Variants in DPP10 observed in about 807,000 individuals in gnomAD.
The protein encoded by DPP10 is inactive dipeptidyl peptidase 10.
Under a neutral mutation model 120.9 loss-of-function variants are expected in DPP10, and 33 were observed. That is an observed-to-expected ratio of 0.27 (90% CI 0.21 to 0.37). The LOEUF (loss-of-function observed/expected upper bound fraction) is 0.37, where lower values mean the gene tolerates loss of function less well. Among genes scored for constraint, DPP10 ranks in the 10% least tolerant of loss-of-function variants. The probability of loss-of-function intolerance (pLI) is 1.00; values close to 1 mark genes in which losing one functional copy is unlikely to be tolerated. For synonymous variants in DPP10, 337 were observed against 326.1 expected (o/e 1.03, Z -0.36); for missense variants, 816 against 942.8 (o/e 0.87, Z 1.76).
intron 5 of DPP10, among the ~76,000 whole-genome samples, chr2:115,538,344 C>T (rs2078987354): frequency 1.3e-5 from 2 of 151,844 alleles, no homozygotes; most frequent in East Asian, 3.9e-4. Context: ...CATGTGAGAG[C>T]CTCCATGGAT....
intron 7 of DPP10, among the ~76,000 whole-genome samples, chr2:115,695,035 A>C (rs62155264): frequency 0.077 from 11,784 of 152,286 alleles, 645 homozygotes; most frequent in Non-Finnish European, 0.11. Context: ...CTCTCCCTCC[A>C]GCTGAAGTGA....
At chr2:114,506,484 A>C (rs1272046742) in intron 1 of DPP10, among the ~76,000 whole-genome samples, 1 of 152,118 alleles carries the variant, frequency 6.6e-6, no homozygotes. Flanking sequence ...CGGGTACAAA[A>C]GGCTGTCACA....
At chr2:115,251,011 A>G (rs1407360856) in intron 1 of DPP10, among the ~76,000 whole-genome samples, 2 of 152,174 alleles carry the variant, frequency 1.3e-5, no homozygotes, top group African/African-American at 4.8e-5. Flanking sequence ...AGCATTTCAT[A>G]GCTTTCGTCC....
At chr2:114,721,083 G>A (rs938635387) in intron 1 of DPP10, among the ~76,000 whole-genome samples, 5 of 152,202 alleles carry the variant, frequency 3.3e-5, no homozygotes, top group African/African-American at 1.2e-4. Context: ...CCACCCTGAC[G>A]AGGTAGACTT....
At position 115,724,107 on chromosome 2, in the gene DPP10, A is replaced by T. The variant is rs1025206530; in HGVS notation, c.577-3709A>T. On this transcript the variant is annotated intron_variant, in intron 7 of 25. Coordinates refer to ENST00000410059, the MANE Select transcript of DPP10 (RefSeq NM_020868.6). ...AATTTTGTGAGAGTGCTGCTATTGT[A>T]GGTTTGTATCTGCCATTGTCGCAGG... 2.0e-5 allele frequency among the ~76,000 whole-genome samples: 3 copies of T among 152,156 alleles called. No individual in the cohort carries two copies. The East Asian group carries it at 5.8e-4, about 29-fold the overall frequency.
At chr2:115,533,902 A>G (rs1366046421) in intron 5 of DPP10, among the ~76,000 whole-genome samples, 1 of 152,038 alleles carries the variant, frequency 6.6e-6, no homozygotes, top group Non-Finnish European at 1.5e-5. Flanking sequence ...CATTAAAAAT[A>G]AGTTAGTATC....
intron 1 of DPP10, among the ~76,000 whole-genome samples, chr2:114,663,662 TATATATAGAGAGAG>T (rs1341320451): frequency 2.1e-5 from 2 of 95,030 alleles, no homozygotes; most frequent in Non-Finnish European, 3.7e-5. Context: ...TATATATATA[TATATATAGAGAGAG>T]AGAGAGAGAG....
At chr2:114,931,286 T>G (rs1305560613) in intron 1 of DPP10, among the ~76,000 whole-genome samples, 4 of 152,066 alleles carry the variant, frequency 2.6e-5, no homozygotes, top group African/African-American at 9.7e-5. Flanking sequence ...ATTGTTCCAC[T>G]GATTGTGCAA....
rs899041806 is a variant in DPP10 at position 114,814,951 on chromosome 2, G to A, written c.60+372113G>A. Among the ~76,000 whole-genome samples the A allele has an allele frequency of 2.6e-5, 4 of 152,286 alleles. No homozygotes were observed. In the South Asian group the frequency reaches 8.3e-4, roughly 32 times the overall value. On this transcript the variant is annotated intron_variant, in intron 1 of 25. Transcript: ENST00000410059. Reference sequence around the variant, plus strand: ...GGGTTTGGGGATGGGACATCCAGAGGGGCCTGGCAGGAGTTTAATTAGGAT... The same window carrying A: ...GGGTTTGGGGATGGGACATCCAGAGAGGCCTGGCAGGAGTTTAATTAGGAT...
intron 1 of DPP10, among the ~76,000 whole-genome samples, chr2:115,051,837 AC>A (rs36085952): frequency 0.97 from 147,276 of 152,176 alleles, 71,469 homozygotes; most frequent in Middle Eastern, 1. Flanking sequence ...TGTTCTCATA[AC>A]CAAAAAAATG....
intron 3 of DPP10, among the ~76,000 whole-genome samples, chr2:115,424,682 C>A (rs879473865): frequency 6.6e-6 from 1 of 151,778 alleles, no homozygotes; most frequent in Admixed American, 6.6e-5. Flanking sequence ...AAATTGAGAA[C>A]CTTAAAATGC....
At chr2:114,544,084 G>C (rs1687173519) in intron 1 of DPP10, among the ~76,000 whole-genome samples, 1 of 152,122 alleles carries the variant, frequency 6.6e-6, no homozygotes, top group South Asian at 2.1e-4. Flanking sequence ...CTGTCCAGTA[G>C]GGGAAGGGAG....
chr2:114,908,195 T>C (rs1367831205), intron 1 of DPP10, among the ~76,000 whole-genome samples: 1 of 152,028 alleles, frequency 6.6e-6, no homozygotes, highest in Non-Finnish European at 1.5e-5. Context: ...AGTTGTATCT[T>C]TGAATCTAAA....
At chr2:115,576,489 T>C (rs1399670945) in intron 5 of DPP10, among the ~76,000 whole-genome samples, 1 of 152,202 alleles carries the variant, frequency 6.6e-6, no homozygotes, top group Non-Finnish European at 1.5e-5. Flanking sequence ...AATTGCTTCA[T>C]TTAAGAGAAA....
At chr2:114,874,427 G>C (rs576628792) in intron 1 of DPP10, among the ~76,000 whole-genome samples, 47 of 152,054 alleles carry the variant, frequency 3.1e-4, no homozygotes, top group African/African-American at 1.1e-3. Flanking sequence ...TGGTGAAGCA[G>C]GGTTTTCTGC....
At chr2:114,779,562 C>A (rs1190560150) in intron 1 of DPP10, among the ~76,000 whole-genome samples, 2 of 152,096 alleles carry the variant, frequency 1.3e-5, no homozygotes, top group African/African-American at 2.4e-5. Context: ...ATGGTCTAAG[C>A]TGATATCAGT....
intron 3 of DPP10, among the ~76,000 whole-genome samples, chr2:115,415,016 C>T (rs947119581): frequency 9.2e-5 from 14 of 152,276 alleles, no homozygotes; most frequent in South Asian, 2.1e-4. Context: ...CTGAAGGCTT[C>T]GTCATTATCT....
intron 1 of DPP10, among the ~76,000 whole-genome samples, chr2:114,961,033 CTTTTTTTTTTTTTTTTTTTTTTTTT>C (rs772146022): frequency 5.8e-5 from 3 of 52,028 alleles, no homozygotes; most frequent in South Asian, 1.7e-3. Flanking sequence ...CTCTATACGC[CTTTTTTTTTTTTTTTTTTTTTTTTT>C]TTTTTTTTTT....
intron 5 of DPP10, among the ~76,000 whole-genome samples, chr2:115,654,448 AATT>A (rs1273139354): frequency 1.3e-5 from 2 of 151,864 alleles, no homozygotes; most frequent in African/African-American, 2.4e-5. Flanking sequence ...GATTTTTCCT[AATT>A]ATTATTCAGG....
Sources: gnomAD v4.1 joint callset for allele counts (sites outside exome capture counted in the v4.1 genomes callset) on GRCh38, gnomAD v4.1.1 for gene constraint, MANE v1.5 for transcripts, NCBI Gene and HGNC (gene_info 2026-07-23, HGNC 2026-07-21) for gene names.